DISP3: variants seen among roughly 807,000 people sequenced by gnomAD.
DISP3 encodes the protein protein dispatched homolog 3.
A neutral mutation model predicts 135.3 loss-of-function variants in DISP3; 101 were observed. That is an observed-to-expected ratio of 0.75 (90% CI 0.64 to 0.88). The LOEUF (loss-of-function observed/expected upper bound fraction) is 0.88, where lower values mean the gene tolerates loss of function less well. Among genes scored for constraint, DISP3 ranks in the 40% least tolerant of loss-of-function variants. The pLI is 0.00. For synonymous variants in DISP3, 856 were observed against 817.0 expected (o/e 1.05, Z -0.81); for missense variants, 1,713 against 1,878.6 (o/e 0.91, Z 1.63).
chr1:11,525,493 C>T lies in DISP3; in HGVS notation c.2613+181C>T, dbSNP rs1029338382. ...ACCTGCCGAGTGGTAGCAGCGTGGG[C>T]TTCTGAGTCAGCCAGGCCTGGATTC... On this transcript the variant is annotated intron_variant, in intron 12 of 20. Transcript: ENST00000294484. Among the ~76,000 whole-genome samples, 37 of 152,350 alleles carry T rather than the reference C, an allele frequency of 2.4e-4. 1 individual carries two copies. The highest frequency in any genetic ancestry group is 8.4e-4 in the African/African-American group (35 of 41,594).
At position 11,529,833 on chromosome 1, in the gene DISP3, G is replaced by C. The variant is rs375152974; in HGVS notation, c.2976G>C (p.Val992=). Residue 992 remains valine, a synonymous_variant, in exon 15 of 21, where the codon GTG becomes GTC. Transcript: ENST00000294484. This position sits in a 1 kb window ranked among gnomAD's most constrained non-coding sequence, Gnocchi z 4.7. ...CCACCTTCGGCTTCAACCCCTGCGTGAACACGGGCTGCGGGAAGCCGGCGG... is the reference window on the plus strand; with the variant it reads ...CCACCTTCGGCTTCAACCCCTGCGTCAACACGGGCTGCGGGAAGCCGGCGG... ...LSATFGFNPC[V]NTGCGKPAVR... is the part of the protein sequence containing the mutation. 5.6e-6 allele frequency: 9 copies of C among 1,613,900 alleles called. No homozygotes were observed. In the African/African-American group the frequency reaches 1.2e-4, roughly 22 times the overall value.
At chr1:11,513,711 C>T (rs1641922200) in intron 3 of DISP3, among the ~76,000 whole-genome samples, 1 of 152,162 alleles carries the variant, frequency 6.6e-6, no homozygotes, top group African/African-American at 2.4e-5. Flanking sequence ...TCCAATATCT[C>T]ATATTTTAGG....
At chr1:11,525,341 G>A (rs546625395) in intron 12 of DISP3, 29 bp downstream of exon 12, 84 of 1,599,200 alleles carry the variant, frequency 5.3e-5, no homozygotes, top group Non-Finnish European at 6.7e-5. Context: ...GAAGTGAGCC[G>A]CCACCACTGT....
intron 4 of DISP3, 146 bp downstream of exon 4, chr1:11,514,672 C>T (rs1641953540): frequency 1.7e-6 from 2 of 1,170,050 alleles, no homozygotes. Context: ...AATCATCTTC[C>T]AACCCCAAAC....
At chr1:11,514,025 G>A (rs1641930810) in intron 3 of DISP3, among the ~76,000 whole-genome samples, 1 of 151,906 alleles carries the variant, frequency 6.6e-6, no homozygotes, top group African/African-American at 2.4e-5. Context: ...ATATCTAGCA[G>A]CCAGTTTGAA....
In DISP3 at chr1:11,530,930, C is replaced by G; in HGVS notation, c.3126C>G (p.Ser1042Arg). Residue 1042 changes from serine (S) to arginine (R), a missense_variant, in exon 16 of 21, where the codon AGC becomes AGG. Ser to Arg is a moderately radical substitution (Grantham distance 110). This residue lies in a region of DISP3 where 1,142 missense variants were observed against 1,384.6 expected (regional missense o/e 0.82). Coordinates refer to ENST00000294484, the MANE Select transcript of DISP3 (RefSeq NM_020780.2). ...AGGGTAGTGTTGTCTACGACAGCAG[C>G]TTTGACCTCTTCAAGGAAATTGGGC... ...GDPGSVVYDS[S>R]FDLFKEIGHL... The G allele has an allele frequency of 1.2e-6, 2 of 1,614,000 alleles. No homozygotes were observed. The highest frequency in any genetic ancestry group is 1.7e-6 in the Non-Finnish European group (2 of 1,179,976).
At chr1:11,502,166 G>C in intron 2 of DISP3, 78 bp downstream of exon 2, 1 of 1,466,572 alleles carries the variant, frequency 6.8e-7, no homozygotes, top group Admixed American at 2.5e-5. Flanking sequence ...CCCAGGCCAG[G>C]CCCAGGCCCA....
At chr1:11,497,944 GT>G (rs1394206525) in intron 1 of DISP3, among the ~76,000 whole-genome samples, 1 of 152,138 alleles carries the variant, frequency 6.6e-6, no homozygotes, top group Non-Finnish European at 1.5e-5. Context: ...CCCCAAGGGT[GT>G]TTTAGGCCAC....
At chr1:11,512,797 T>G (rs1191453385) in intron 3 of DISP3, among the ~76,000 whole-genome samples, 2 of 152,120 alleles carry the variant, frequency 1.3e-5, no homozygotes, top group Non-Finnish European at 2.9e-5. Context: ...TAACTGAAAC[T>G]GAGAACAAAA....
chr1:11,535,719 TCAA>T, intron 20 of DISP3, 75 bp downstream of exon 20: 1 of 1,522,766 alleles, frequency 6.6e-7, no homozygotes, highest in Non-Finnish European at 8.9e-7. Context: ...TGAGGGACCC[TCAA>T]GGGCAGCTGA....
In DISP3 at chr1:11,531,700, C is replaced by T. The variant is rs1375376058; in HGVS notation, c.3365C>T (p.Ala1122Val). Residue 1122 changes from alanine to valine, a missense_variant, in exon 17 of 21, where the codon GCT becomes GTT. Ala to Val is a moderately conservative substitution (Grantham distance 64). Coordinates refer to ENST00000294484, the MANE Select transcript of DISP3 (RefSeq NM_020780.2). This position sits in a 1 kb window ranked among gnomAD's most constrained non-coding sequence, Gnocchi z 5.2. ...GGCCGCGTGCAGTGGATCTCCATGG[C>T]TTTCGAGTCGGTGAGCCCAGGCAGC... is the stretch of plus-strand genomic sequence containing the variant. ...REGRVQWISM[A>V]FESTTYKGKS... is the part of the protein sequence containing the mutation. 1 of 1,601,892 alleles carries T rather than the reference C, an allele frequency of 6.2e-7. No homozygotes were observed. Among genetic ancestry groups the T allele is most frequent in the East Asian group, 2.2e-5 (1 of 44,734 alleles).
At chr1:11,497,878 T>G (rs1271489749) in intron 1 of DISP3, among the ~76,000 whole-genome samples, 3 of 152,240 alleles carry the variant, frequency 2.0e-5, no homozygotes, top group African/African-American at 7.2e-5. Flanking sequence ...CTCACCCAAG[T>G]TCATCGGAGA....
chr1:11,514,865 C>G (rs895346833), intron 4 of DISP3, among the ~76,000 whole-genome samples: 1 of 152,058 alleles, frequency 6.6e-6, no homozygotes, highest in Non-Finnish European at 1.5e-5. Flanking sequence ...TTTTGGAGTC[C>G]CAAGTCAACT....
chr1:11,535,163 G>A (rs1292101777), intron 19 of DISP3, 39 bp downstream of exon 19: 1 of 1,542,016 alleles, frequency 6.5e-7, no homozygotes, highest in African/African-American at 1.4e-5. Flanking sequence ...CTGCTGGTAG[G>A]GACGGGAACA....
intron 1 of DISP3, chr1:11,481,235 C>G (rs1316488285): frequency 1.3e-5 from 2 of 152,224 alleles, no homozygotes; most frequent in Non-Finnish European, 2.9e-5. Flanking sequence ...TCCATTCTCT[C>G]AGACTTGCCT....
Position 11,491,250 on chromosome 1 carries a change from G to A in DISP3, c.-3-9740G>A, listed in dbSNP as rs4846011. Reference sequence around the variant, plus strand: ...ACAGGGGAGGATGACCAGGGCAGCAGGGGTTTTCCAAGAATGCTTCTGGAC... The same window carrying A: ...ACAGGGGAGGATGACCAGGGCAGCAAGGGTTTTCCAAGAATGCTTCTGGAC... On this transcript the variant is annotated intron_variant, in intron 1 of 20. Transcript: ENST00000294484. This position sits in a 1 kb window ranked among gnomAD's most constrained non-coding sequence, Gnocchi z 4.3. Among the ~76,000 whole-genome samples the A allele has an allele frequency of 0.98, 149,178 of 152,212 alleles. 73,182 individuals carry two copies. Among genetic ancestry groups the A allele is most frequent in the Middle Eastern group, 1 (294 of 294 alleles).
intron 1 of DISP3, among the ~76,000 whole-genome samples, chr1:11,500,599 G>A (rs1198372269): frequency 6.6e-6 from 1 of 152,142 alleles, no homozygotes; most frequent in Admixed American, 6.5e-5. Context: ...TGGTTGCAGT[G>A]GAGTTACATC....
Position 11,502,769 on chromosome 1 carries a change from C to A in DISP3, c.1188C>A (p.Arg396=). 1 of 1,614,210 alleles carries A rather than the reference C, an allele frequency of 6.2e-7. No homozygotes were observed. The highest frequency in any genetic ancestry group is 8.5e-7 in the Non-Finnish European group (1 of 1,180,036). ...ACAATCTGAAGAGCTCCCTCCTGCG[C>A]AGTGAGATCCTGTTTGGAGCACCCC... The part of the protein sequence containing the change: ...SADNLKSSLL[R]SEILFGAPLP... Residue 396 remains arginine, a synonymous_variant, in exon 3 of 21, where the codon CGC becomes CGA. Transcript: ENST00000294484.
At chr1:11,534,932 G>A in intron 18 of DISP3, 79 bp from the exon 19 acceptor site, 2 of 1,282,916 alleles carry the variant, frequency 1.6e-6, no homozygotes, top group South Asian at 1.3e-5. Flanking sequence ...TCTCAGAGAG[G>A]TCAAGGGCTC....
Sources: gnomAD v4.1 joint callset for allele counts (sites outside exome capture counted in the v4.1 genomes callset) on GRCh38, gnomAD v4.1.1 for gene constraint, gnomAD v4.1.1 regional missense constraint, Gnocchi (gnomAD v3.1) non-coding constraint, MANE v1.5 for transcripts, NCBI Gene and HGNC (gene_info 2026-07-23, HGNC 2026-07-21) for gene names.